Variants in EPHA4 observed in about 807,000 individuals in gnomAD.
The protein encoded by EPHA4 is ephrin type-A receptor 4.
A neutral mutation model predicts 108.3 loss-of-function variants in EPHA4; 19 were observed. The ratio of observed to expected loss-of-function variants is 0.18; its 90% CI spans 0.12 to 0.26. The LOEUF (loss-of-function observed/expected upper bound fraction) is 0.26. Ranked by LOEUF, EPHA4 falls within the 10% of genes least tolerant of loss-of-function variation. The pLI, the probability that EPHA4 is intolerant of heterozygous loss-of-function variation, is 1.00. For synonymous variants in EPHA4, 449 were observed against 455.5 expected (o/e 0.99, Z 0.18); for missense variants, 917 against 1,254.0 (o/e 0.73, Z 4.06).
In EPHA4 at chr2:221,436,277, G is replaced by A; in HGVS notation, c.2346+122C>T. The A allele has an allele frequency of 7.4e-6, 6 of 813,496 alleles. No individual in the cohort carries two copies. The South Asian group carries it at 1.1e-4, about 15-fold the overall frequency. The allele number at this position is 813,496 out of a possible 1,614,324, so 50.4% of individuals were successfully genotyped here. ...TTAAAAATGGATGCAGGAATATGAG[G>A]AGGCTTCAAGGGATGAGAAAACTTA... On this transcript the variant is annotated intron_variant, in intron 13 of 17. Transcript: ENST00000281821.
chr2:221,430,636 T>C (rs951915139), intron 14 of EPHA4, among the ~76,000 whole-genome samples: 1 of 152,210 alleles, frequency 6.6e-6, no homozygotes, highest in Non-Finnish European at 1.5e-5. Context: ...TCCTCTTACA[T>C]AGACAGCCAG....
At chr2:221,483,500 TTG>T (rs58143142) in intron 4 of EPHA4, among the ~76,000 whole-genome samples, 21,053 of 143,282 alleles carry the variant, frequency 0.15, 1,771 homozygotes, top group East Asian at 0.28. Context: ...TGATGTAGAT[TTG>T]TGTGTGTGTG....
Position 221,571,602 on chromosome 2 carries a change from G to T in EPHA4, c.91+556C>A, listed in dbSNP as rs1694840855. On this transcript the variant is annotated intron_variant, in intron 1 of 17. Coordinates refer to ENST00000281821, the MANE Select transcript of EPHA4 (RefSeq NM_004438.5). The surrounding 1 kb of genome is among the most constrained non-coding windows in gnomAD (Gnocchi z 6.3). ...CGAGGAGAAAGGTGTCTGACTCCGG[G>T]TGCTAGAAATCAGGTCACTGGCGCC... 6.6e-6 allele frequency among the ~76,000 whole-genome samples: 1 copy of T among 152,152 alleles called. No individual in the cohort carries two copies. Among genetic ancestry groups the T allele is most frequent in the Admixed American group, 6.5e-5 (1 of 15,290 alleles).
intron 3 of EPHA4, among the ~76,000 whole-genome samples, chr2:221,513,929 G>A (rs2106167610): frequency 6.6e-6 from 1 of 152,198 alleles, no homozygotes; most frequent in South Asian, 2.1e-4. Flanking sequence ...AATTTGCACT[G>A]TCTGTTTTTG....
At chr2:221,455,723 G>T in intron 7 of EPHA4, 65 bp from the exon 8 acceptor site, 2 of 1,198,116 alleles carry the variant, frequency 1.7e-6, no homozygotes, top group South Asian at 2.6e-5. Context: ...CTTCTGAATG[G>T]GTCACAGTTT....
intron 3 of EPHA4, among the ~76,000 whole-genome samples, chr2:221,557,936 A>G (rs994260924): frequency 6.6e-6 from 1 of 152,238 alleles, no homozygotes; most frequent in Non-Finnish European, 1.5e-5. Flanking sequence ...CAATGTTTTA[A>G]CAAAAATATA....
intron 5 of EPHA4, among the ~76,000 whole-genome samples, chr2:221,474,834 A>G (rs1292202009): frequency 2.0e-5 from 3 of 152,156 alleles, no homozygotes; most frequent in Non-Finnish European, 2.9e-5. Flanking sequence ...GCATGACATC[A>G]TCTCGGAGAG....
rs1202518388 is a variant in EPHA4 at position 221,418,792 on chromosome 2, G to A, written c.*2580C>T. The A allele has an allele frequency of 1.3e-5, 2 of 152,464 alleles. No individual in the cohort carries two copies. The highest frequency in any genetic ancestry group is 6.5e-5 in the Admixed American group (1 of 15,284). The allele number at this position is 152,464 out of a possible 1,614,324, so 9.4% of individuals were successfully genotyped here. ...GGGCTTGCCCACGGGCTCAGACCCA[G>A]ACCCTGAAGTTGGCCTCCTACCCTT... On this transcript the variant is annotated 3_prime_UTR_variant, in exon 18 of 18. Transcript: ENST00000281821.
At chr2:221,519,592 C>T (rs59356484) in intron 3 of EPHA4, among the ~76,000 whole-genome samples, 1,910 of 152,296 alleles carry the variant, frequency 0.013, 37 homozygotes, top group African/African-American at 0.038. Flanking sequence ...AAAGTCATTG[C>T]GATCTTTGCC....
intron 5 of EPHA4, among the ~76,000 whole-genome samples, chr2:221,476,535 T>C (rs1223778956): frequency 2.6e-5 from 4 of 152,384 alleles, no homozygotes; most frequent in African/African-American, 4.8e-5. Flanking sequence ...GTTACTAGTC[T>C]GACATTTGTA....
At chr2:221,573,612 T>TG (rs1464739873), upstream of EPHA4, 6 of 152,050 alleles carry the variant, frequency 3.9e-5, no homozygotes, top group African/African-American at 1.2e-4. This position sits in a 1 kb window ranked among gnomAD's most constrained non-coding sequence, Gnocchi z 4.5. Flanking sequence ...CTGGGGAGCC[T>TG]GGGTCCCGGC....
chr2:221,425,852 G>T lies in EPHA4; in HGVS notation c.*176C>A. On this transcript the variant is annotated 3_prime_UTR_variant, in exon 17 of 18. Coordinates refer to ENST00000281821, the MANE Select transcript of EPHA4 (RefSeq NM_004438.5). ...ATTCAAATGACCGGCAGTCATTTCT[G>T]TAAGCCCCACAGTTTCAGCAATCTG... 1 of 609,084 alleles carries T rather than the reference G, an allele frequency of 1.6e-6. No homozygotes were observed. Among genetic ancestry groups the T allele is most frequent in the Non-Finnish European group, 2.9e-6 (1 of 346,604 alleles). 37.7% of individuals were successfully genotyped at this position (609,084 alleles called of 1,614,324 possible).
Position 221,571,772 on chromosome 2 carries a change from C to T in EPHA4, c.91+386G>A, listed in dbSNP as rs906803739. On this transcript the variant is annotated intron_variant, in intron 1 of 17. Transcript: ENST00000281821. The surrounding 1 kb of genome is among the most constrained non-coding windows in gnomAD (Gnocchi z 6.3). ...GGAGCACCAAGCCTTCACTGTGCTC[C>T]AGGCTGCGTTTTCCCCTCGCCCCGG... Among the ~76,000 whole-genome samples the T allele has an allele frequency of 2.6e-5, 4 of 152,130 alleles. No individual in the cohort carries two copies. Among genetic ancestry groups the T allele is most frequent in the African/African-American group, 4.8e-5 (2 of 41,432 alleles).
At chr2:221,521,737 G>C (rs1413965744) in intron 3 of EPHA4, among the ~76,000 whole-genome samples, 1 of 152,182 alleles carries the variant, frequency 6.6e-6, no homozygotes, top group African/African-American at 2.4e-5. Flanking sequence ...CGTTTTGGGA[G>C]GCTGAGGCAG....
chr2:221,539,829 G>T lies in EPHA4; in HGVS notation c.823+23902C>A, dbSNP rs1693780043. Among the ~76,000 whole-genome samples, 3 of 152,332 alleles carry T rather than the reference G, an allele frequency of 2.0e-5. No homozygotes were observed. In the South Asian group the frequency reaches 6.2e-4, roughly 32 times the overall value. ...CAATGAAGGCTGGAAGGGTGTGGAGGAGGGGAGCAGATAGAAGAAGAAAGA... is the reference window on the plus strand; with the variant it reads ...CAATGAAGGCTGGAAGGGTGTGGAGTAGGGGAGCAGATAGAAGAAGAAAGA... On this transcript the variant is annotated intron_variant, in intron 3 of 17. Coordinates refer to ENST00000281821, the MANE Select transcript of EPHA4 (RefSeq NM_004438.5).
At chr2:221,565,094 A>C (rs1694589463) in intron 2 of EPHA4, among the ~76,000 whole-genome samples, 1 of 152,180 alleles carries the variant, frequency 6.6e-6, no homozygotes, top group African/African-American at 2.4e-5. Flanking sequence ...AAATTTGTAC[A>C]TGTTCTCATT....
At chr2:221,503,602 G>T (rs980801880) in intron 3 of EPHA4, among the ~76,000 whole-genome samples, 1 of 152,134 alleles carries the variant, frequency 6.6e-6, no homozygotes, top group African/African-American at 2.4e-5. Context: ...AAATATATGT[G>T]AATTCATTTG....
rs187703564 is a variant in EPHA4, at chr2:221,527,760, T to C, written c.824-26588A>G. Among the ~76,000 whole-genome samples the C allele has an allele frequency of 2.8e-3, 419 of 152,314 alleles. 1 individual carries two copies. Among genetic ancestry groups the C allele is most frequent in the African/African-American group, 9.5e-3 (396 of 41,568 alleles). On this transcript the variant is annotated intron_variant, in intron 3 of 17. Transcript: ENST00000281821. ...TCTCACAATAGCCCGATGAGGTTCA[T>C]TGTATTATTATTACCATTTTACAGA...
At chr2:221,443,040 A>G (rs1417180447) in intron 10 of EPHA4, 26 bp from the exon 11 acceptor site, 1 of 1,603,844 alleles carries the variant, frequency 6.2e-7, no homozygotes, top group Non-Finnish European at 8.5e-7. Flanking sequence ...AGAATCTACG[A>G]TGGACCAGAA....
Sources: allele counts gnomAD v4.1 joint callset (sites outside exome capture counted in the v4.1 genomes callset), GRCh38; gene constraint gnomAD v4.1.1; non-coding constraint Gnocchi (gnomAD v3.1); transcripts MANE v1.5; gene names NCBI Gene and HGNC (gene_info 2026-07-23, HGNC 2026-07-21).